The following PKD1L1 variants were observed in gnomAD, a reference collection of about 807,000 sequenced individuals.
PKD1L1 encodes polycystin-1-like protein 1.
A neutral mutation model predicts 323.4 loss-of-function variants in PKD1L1; 236 were observed. The observed-to-expected ratio is 0.73, with a 90% CI of 0.66 to 0.81. PKD1L1 has a LOEUF of 0.81. Ranked by LOEUF, PKD1L1 falls within the 40% of genes least tolerant of loss-of-function variation. The pLI is 0.00. For synonymous variants in PKD1L1, 1,344 were observed against 1,335.0 expected (o/e 1.01, Z -0.15); for missense variants, 3,320 against 3,508.0 (o/e 0.95, Z 1.35).
rs12702396 is a variant in PKD1L1, at chr7:47,882,200, C to A, written c.3266-115G>T. ...TATTTGTACTATTGCTGGATACCGC[C>A]TATCTAATATAATGTCTTCAGCAGC... is the stretch of plus-strand genomic sequence containing the variant. On this transcript the variant is annotated intron_variant, in intron 19 of 56. Transcript: ENST00000289672. The A allele has an allele frequency of 0.3, 315,226 of 1,059,804 alleles. 50,139 individuals are homozygous for A. Among genetic ancestry groups the A allele is most frequent in the Admixed American group, 0.4 (15,500 of 38,612 alleles). The allele number at this position is 1,059,804 out of a possible 1,614,324, so 65.7% of individuals were successfully genotyped here. A position where few individuals can be genotyped will look rare whatever the true frequency, so the allele number is the denominator to read the frequency against.
At chr7:47,878,206 T>C (rs1013505184) in intron 21 of PKD1L1, among the ~76,000 whole-genome samples, 6 of 152,218 alleles carry the variant, frequency 3.9e-5, no homozygotes, top group African/African-American at 7.2e-5. Context: ...CATGTTGACA[T>C]AGAGCATCCA....
chr7:47,883,352 T>C (rs1259125762), intron 19 of PKD1L1, among the ~76,000 whole-genome samples: 1 of 152,130 alleles, frequency 6.6e-6, no homozygotes, highest in Non-Finnish European at 1.5e-5. Context: ...CAACAAATCA[T>C]CCTGGGCAAC....
chr7:47,949,481 T>G (rs1312687126), upstream of PKD1L1, among the ~76,000 whole-genome samples: 2 of 148,340 alleles, frequency 1.3e-5, no homozygotes, highest in African/African-American at 5.0e-5. Flanking sequence ...AGGCACACAC[T>G]AGGCGCACTC....
chr7:47,904,735 T>A, intron 11 of PKD1L1, 118 bp from the exon 12 acceptor site: 1 of 1,266,464 alleles, frequency 7.9e-7, no homozygotes, highest in Non-Finnish European at 1.1e-6. Flanking sequence ...AGGCAGCATT[T>A]AATTTGTAAG....
rs747389208 is a variant in PKD1L1, at chr7:47,836,916, C to T, written c.5943+5G>A. 2 of 1,612,850 alleles carry T rather than the reference C, an allele frequency of 1.2e-6. No homozygotes were observed. Among genetic ancestry groups the T allele is most frequent in the South Asian group, 1.1e-5 (1 of 90,874 alleles). On this transcript the variant is annotated splice_donor_5th_base_variant and intron_variant, in intron 37 of 56. Coordinates refer to ENST00000289672, the MANE Select transcript of PKD1L1 (RefSeq NM_138295.5). The stretch of plus-strand genomic sequence containing the variant: ...GCTGCTATAAGGAAAAGCGATGGCT[C>T]TCACCTGCTCTTGCCCTCCAGCAGC...
chr7:47,949,318 G>A (rs1028813485), upstream of PKD1L1, among the ~76,000 whole-genome samples: 6 of 130,448 alleles, frequency 4.6e-5, no homozygotes, highest in Admixed American at 2.8e-4. Flanking sequence ...GCAGTGAGCC[G>A]AGATCGTGCC....
At chr7:47,792,505 G>T in intron 56 of PKD1L1, 122 bp downstream of exon 56, 1 of 969,084 alleles carries the variant, frequency 1.0e-6, no homozygotes, top group Non-Finnish European at 1.5e-6. Context: ...TCAGCAGTAT[G>T]ATATCTAAAG....
chr7:47,830,233 C>T (rs1785318110), intron 42 of PKD1L1, 109 bp from the exon 43 acceptor site: 2 of 877,734 alleles, frequency 2.3e-6, no homozygotes, highest in Middle Eastern at 3.5e-4. Context: ...TATGGCCTCG[C>T]CGTGGCAGGA....
At chr7:47,817,056 T>C (rs558385329) in intron 46 of PKD1L1, among the ~76,000 whole-genome samples, 2 of 152,204 alleles carry the variant, frequency 1.3e-5, no homozygotes, top group African/African-American at 2.4e-5. Flanking sequence ...GCCAAAATGA[T>C]GAGACCCTGT....
the PKD1L1 span, among the ~76,000 whole-genome samples, chr7:47,959,066 C>T: frequency 1.3e-5 from 2 of 152,252 alleles, no homozygotes; most frequent in Admixed American, 6.5e-5. Flanking sequence ...GCGAGTGATC[C>T]GCCAGCCTCG....
chr7:47,871,842 T>C (rs1357318566), intron 24 of PKD1L1, among the ~76,000 whole-genome samples: 1 of 152,166 alleles, frequency 6.6e-6, no homozygotes, highest in Non-Finnish European at 1.5e-5. Flanking sequence ...AAAGACTGAA[T>C]GCTTCCTCCT....
chr7:47,907,837 C>A (rs940357946), intron 9 of PKD1L1, among the ~76,000 whole-genome samples: 2 of 152,140 alleles, frequency 1.3e-5, no homozygotes, highest in Non-Finnish European at 2.9e-5. Context: ...CTATGCATAT[C>A]TTAATATTTT....
rs773226750 is a variant in PKD1L1, at chr7:47,831,223, G to A, written c.6467C>T (p.Ala2156Val). The A allele has an allele frequency of 1.2e-6, 2 of 1,613,626 alleles. No homozygotes were observed. The highest frequency in any genetic ancestry group is 1.7e-6 in the Non-Finnish European group (2 of 1,179,804). Residue 2156 changes from alanine (A) to valine (V), a missense_variant, in exon 42 of 57, where the codon GCC becomes GTC. Coordinates refer to ENST00000289672, the MANE Select transcript of PKD1L1 (RefSeq NM_138295.5). ...GAAAAACTCTACAGCTCACCTGTAG[G>A]CTAGAAATCCTGTCCCCAAACTGCA... ...LACSLGTGFL[A>V]YRFGQEQCVQ...
At chr7:47,801,378 A>G (rs960855523) in intron 53 of PKD1L1, among the ~76,000 whole-genome samples, 4 of 152,206 alleles carry the variant, frequency 2.6e-5, no homozygotes, top group African/African-American at 9.7e-5. Flanking sequence ...GGTTGTCGTA[A>G]CAGACTGGGA....
intron 52 of PKD1L1, among the ~76,000 whole-genome samples, chr7:47,807,084 G>A (rs1364860344): frequency 1.3e-5 from 2 of 152,058 alleles, no homozygotes; most frequent in Non-Finnish European, 2.9e-5. Context: ...TGCAGCCCAG[G>A]CTTCTGCTGT....
chr7:47,788,577 A>ATATATATTTT lies in PKD1L1; in HGVS notation c.8526+4049_8526+4050insAAAATATATA, dbSNP rs939251075. On this transcript the variant is annotated intron_variant, in intron 56 of 56. Transcript: ENST00000289672. ...CCAGCCCAGTTATATATATATATATATTTTTTTTTTTTAATTTTAATTTTA... is the reference window on the plus strand; with the variant it reads ...CCAGCCCAGTTATATATATATATATATATATATTTTTTTTTTTTTTTTAATTTTAATTTTA... Among the ~76,000 whole-genome samples, 69 of 138,068 alleles carry ATATATATTTT rather than the reference A, an allele frequency of 5.0e-4. 2 individuals carry two copies. The highest frequency in any genetic ancestry group is 1.2e-3 in the South Asian group (5 of 4,280). The allele number at this position is 138,068 out of a possible 152,430, so 90.6% of individuals were successfully genotyped here. A position where few individuals can be genotyped will look rare whatever the true frequency, so the allele number is the denominator to read the frequency against.
chr7:47,884,287 G>A (rs1469310022), intron 19 of PKD1L1, among the ~76,000 whole-genome samples: 4 of 152,152 alleles, frequency 2.6e-5, no homozygotes, highest in Admixed American at 1.3e-4. Context: ...AGATAACTTA[G>A]GAAGGACGTG....
chr7:47,853,213 GGTTTCTCA>G lies in PKD1L1; in HGVS notation c.4866_4873del (p.Glu1623TyrfsTer4), dbSNP rs1225255314. 2.5e-6 allele frequency: 4 copies of G among 1,611,162 alleles called. No homozygotes were observed. In the African/African-American group the frequency reaches 5.3e-5, roughly 22 times the overall value. On this transcript the variant is annotated frameshift_variant, in exon 31 of 57. Transcript: ENST00000289672. LOFTEE classifies it high-confidence loss of function. ...CTTCACAAGAAAATCAGAGGGAGTA[GGTTTCTCA>G]GAGAATCTAGGAGATAAAAACAAAA...
At position 47,847,041 on chromosome 7, in the gene PKD1L1, T is replaced by C; in HGVS notation, c.4991A>G (p.Asp1664Gly). 3 of 1,605,916 alleles carry C rather than the reference T, an allele frequency of 1.9e-6. No homozygotes were observed. The South Asian group carries it at 3.4e-5, about 18-fold the overall frequency. ...TGGAGGTTTTCTGTCATAGTCAGCA[T>C]CCAATAAGGATAAATAGCCTACACT... ...DASVGYLSLL[D>G]ADYDRKPPNR... The change falls in exon 32 of 57, where the codon GAT (aspartate) becomes GGT (glycine). Residue 1664 changes from aspartate to glycine, a missense_variant. Transcript: ENST00000289672.
Sources: gnomAD v4.1 joint callset for allele counts (sites outside exome capture counted in the v4.1 genomes callset) on GRCh38, gnomAD v4.1.1 for gene constraint, MANE v1.5 for transcripts, NCBI Gene and HGNC (gene_info 2026-07-23, HGNC 2026-07-21) for gene names.